Variants in ABTB3 observed in about 807,000 individuals in gnomAD.
ABTB3 encodes the protein ankyrin repeat- and BTB/POZ domain-containing protein 3.
chr12:107,458,638 T>A, the ABTB3 span, among the ~76,000 whole-genome samples: 1 of 152,056 alleles, frequency 6.6e-6, no homozygotes, highest in Non-Finnish European at 1.5e-5. Flanking sequence ...TGCTGGGAGA[T>A]ACACATACAG....
the ABTB3 span, among the ~76,000 whole-genome samples, chr12:107,531,740 C>A: frequency 2.6e-5 from 4 of 152,194 alleles, no homozygotes; most frequent in South Asian, 8.3e-4. Flanking sequence ...CCCTGCTCCC[C>A]ACTCCTGCAA....
At chr12:107,630,208 C>A in the ABTB3 span, among the ~76,000 whole-genome samples, 3 of 152,328 alleles carry the variant, frequency 2.0e-5, no homozygotes, top group East Asian at 3.9e-4. Context: ...GCGTAGCACC[C>A]TAATCCTCTG....
chr12:107,549,887 C>G, the ABTB3 span, among the ~76,000 whole-genome samples: 4 of 152,144 alleles, frequency 2.6e-5, no homozygotes, highest in African/African-American at 9.7e-5. Flanking sequence ...GAAGCTATTG[C>G]TATGGAGTTG....
chr12:107,417,359 C>T, the ABTB3 span, among the ~76,000 whole-genome samples: 2 of 152,230 alleles, frequency 1.3e-5, no homozygotes, highest in African/African-American at 4.8e-5. Context: ...TCCAGCTTGA[C>T]TTACGGCCTC....
chr12:107,650,143 A>T, the ABTB3 span: 49,523 of 151,990 alleles, frequency 0.33, 8,290 homozygotes, highest in East Asian at 0.53. Context: ...ACAACACGGA[A>T]GCTGGGCCAG....
the ABTB3 span, among the ~76,000 whole-genome samples, chr12:107,555,460 A>G: frequency 6.6e-6 from 1 of 152,232 alleles, no homozygotes; most frequent in Non-Finnish European, 1.5e-5. Flanking sequence ...TCAGATGGAT[A>G]GGCTGCACTT....
chr12:107,654,834 A>ACACACACACACACG, the ABTB3 span, among the ~76,000 whole-genome samples: 23 of 148,684 alleles, frequency 1.5e-4, no homozygotes, highest in Middle Eastern at 7.1e-3. Context: ...ACACACACAC[A>ACACACACACACACG]CACACACACA....
the ABTB3 span, among the ~76,000 whole-genome samples, chr12:107,580,446 T>C: frequency 1.3e-5 from 2 of 152,184 alleles, no homozygotes. Flanking sequence ...ATGATCCCAT[T>C]AGCAGGCAGG....
At chr12:107,508,299 A>G in the ABTB3 span, among the ~76,000 whole-genome samples, 11 of 152,062 alleles carry the variant, frequency 7.2e-5, no homozygotes, top group African/African-American at 2.7e-4. Flanking sequence ...GGACAGACGG[A>G]TGGATGGATG....
chr12:107,324,496 A>T, the ABTB3 span, among the ~76,000 whole-genome samples: 56 of 152,294 alleles, frequency 3.7e-4, no homozygotes, highest in Non-Finnish European at 4.1e-4. Flanking sequence ...AAAATAAAAT[A>T]AAATTAAGTT....
chr12:107,433,296 C>CAAAAAAAA, the ABTB3 span, among the ~76,000 whole-genome samples: 10 of 23,116 alleles, frequency 4.3e-4, no homozygotes, highest in Non-Finnish European at 7.3e-4. Context: ...GACTCCGTCT[C>CAAAAAAAA]AAAAAAAAAA....
the ABTB3 span, among the ~76,000 whole-genome samples, chr12:107,651,176 C>T: frequency 2.6e-5 from 4 of 152,118 alleles, no homozygotes; most frequent in Non-Finnish European, 5.9e-5. Context: ...GATCCCTGCC[C>T]TCCTGGACTC....
chr12:107,643,024 C>T, the ABTB3 span, among the ~76,000 whole-genome samples: 1 of 152,124 alleles, frequency 6.6e-6, no homozygotes, highest in African/African-American at 2.4e-5. Flanking sequence ...GCTCCAAGAC[C>T]CTCCAGGCAC....
chr12:107,649,417 T>A, the ABTB3 span: 5 of 777,546 alleles, frequency 6.4e-6, no homozygotes, highest in Non-Finnish European at 1.1e-5. Flanking sequence ...GGGCTCTTGT[T>A]CCTTCCTGAC....
chr12:107,492,067 C>T, the ABTB3 span, among the ~76,000 whole-genome samples: 1 of 151,988 alleles, frequency 6.6e-6, no homozygotes, highest in Non-Finnish European at 1.5e-5. Flanking sequence ...TGTTGATTGG[C>T]TGAAGAATGC....
chr12:107,495,311 G>A, the ABTB3 span, among the ~76,000 whole-genome samples: 5 of 152,242 alleles, frequency 3.3e-5, no homozygotes, highest in Non-Finnish European at 7.3e-5. Context: ...ACGCTCTGGT[G>A]TTCCCGCGTT....
At chr12:107,576,986 A>G in the ABTB3 span, among the ~76,000 whole-genome samples, 1 of 152,216 alleles carries the variant, frequency 6.6e-6, no homozygotes, top group Non-Finnish European at 1.5e-5. Context: ...GGCCCCAGCA[A>G]CTGGCTTTTC....
the ABTB3 span, among the ~76,000 whole-genome samples, chr12:107,573,252 G>T: frequency 3.8e-3 from 576 of 152,288 alleles, 19 homozygotes; most frequent in Admixed American, 0.035. Flanking sequence ...TGTGCATGAT[G>T]GTGAGGGAGG....
chr12:107,410,807 T>A, the ABTB3 span, among the ~76,000 whole-genome samples: 1 of 152,154 alleles, frequency 6.6e-6, no homozygotes, highest in African/African-American at 2.4e-5. Context: ...CATCCTAGGC[T>A]AGCTGAATTG....
Sources: gnomAD v4.1 joint callset for allele counts (sites outside exome capture counted in the v4.1 genomes callset) on GRCh38, gnomAD v4.1.1 for gene constraint, MANE v1.5 for transcripts, NCBI Gene and HGNC (gene_info 2026-07-23, HGNC 2026-07-21) for gene names.